Variants in DOCK3 observed in about 807,000 individuals in gnomAD.
The protein encoded by DOCK3 is dedicator of cytokinesis 3.
DOCK3 carries 60 observed loss-of-function variants against 265.6 expected under a neutral mutation model. That is an observed-to-expected ratio of 0.23 (90% CI 0.18 to 0.28). The LOEUF is 0.28. DOCK3 is among the 10% of genes least tolerant of loss of function. The pLI, the probability that DOCK3 is intolerant of heterozygous loss-of-function variation, is 1.00. For synonymous variants in DOCK3, 881 were observed against 938.0 expected, an observed-to-expected ratio of 0.94 and a Z score of 1.11; for missense variants, 1,981 against 2,594.3, an observed-to-expected ratio of 0.76 and a Z score of 5.14.
chr3:50,816,591 G>T lies in DOCK3; in HGVS notation c.122-25084G>T, dbSNP rs796965395. Among the ~76,000 whole-genome samples, 5 of 152,096 alleles carry T rather than the reference G, an allele frequency of 3.3e-5. No homozygotes were observed. The South Asian group carries it at 1.0e-3, about 32-fold the overall frequency. ...CCGCCTTGGCCTCCCAAAGTGCTGG[G>T]ATTACAGGTGTGAGCCACTGTGCCC... On this transcript the variant is annotated intron_variant, in intron 2 of 52. Transcript: ENST00000266037.
At chr3:51,177,388 A>C (rs1205393504) in intron 12 of DOCK3, among the ~76,000 whole-genome samples, 1 of 152,202 alleles carries the variant, frequency 6.6e-6, no homozygotes, top group Non-Finnish European at 1.5e-5. Context: ...GTTAACCAAT[A>C]ATATAGGCAT....
intron 40 of DOCK3, among the ~76,000 whole-genome samples, chr3:51,351,407 T>C (rs911185352): frequency 6.6e-6 from 1 of 152,114 alleles, no homozygotes; most frequent in Admixed American, 6.5e-5. Context: ...GCTTAATAGC[T>C]CCTTTAAAAA....
intron 40 of DOCK3, among the ~76,000 whole-genome samples, chr3:51,351,230 G>A (rs1213076210): frequency 1.3e-5 from 2 of 152,104 alleles, no homozygotes; most frequent in Non-Finnish European, 2.9e-5. Context: ...ATTGCTAATC[G>A]CTGATCACCC....
intron 1 of DOCK3, among the ~76,000 whole-genome samples, chr3:50,746,195 C>T (rs139325096): frequency 3.3e-5 from 5 of 151,410 alleles, no homozygotes; most frequent in South Asian, 2.1e-4. Context: ...CTGCAACCTC[C>T]GCCTCCTGGG....
intron 2 of DOCK3, among the ~76,000 whole-genome samples, chr3:50,795,842 C>T (rs1313536603): frequency 6.6e-6 from 1 of 152,172 alleles, no homozygotes; most frequent in African/African-American, 2.4e-5. Flanking sequence ...TCTTTCAGGT[C>T]AGTTACATTC....
At chr3:51,134,876 T>C (rs1488906057) in intron 9 of DOCK3, among the ~76,000 whole-genome samples, 2 of 152,236 alleles carry the variant, frequency 1.3e-5, no homozygotes, top group Non-Finnish European at 2.9e-5. Context: ...TCTCTACTTT[T>C]TCATCTCAAG....
intron 22 of DOCK3, among the ~76,000 whole-genome samples, chr3:51,255,827 G>T (rs1385008650): frequency 4.6e-5 from 7 of 152,194 alleles, no homozygotes; most frequent in South Asian, 2.1e-4. Flanking sequence ...TTAGCTCGGA[G>T]AAGTTTGTTA....
chr3:50,882,306 A>G (rs2048085166), intron 3 of DOCK3, among the ~76,000 whole-genome samples: 1 of 152,224 alleles, frequency 6.6e-6, no homozygotes, highest in Non-Finnish European at 1.5e-5. Flanking sequence ...CAGCAAAAGA[A>G]ACTACCATCA....
chr3:50,918,521 C>G (rs896849503), intron 4 of DOCK3, among the ~76,000 whole-genome samples: 1 of 152,116 alleles, frequency 6.6e-6, no homozygotes, highest in Non-Finnish European at 1.5e-5. Context: ...TGATAATGAG[C>G]CTTTTTTCAT....
At chr3:50,947,916 C>T (rs191561889) in intron 5 of DOCK3, among the ~76,000 whole-genome samples, 125 of 146,744 alleles carry the variant, frequency 8.5e-4, no homozygotes, top group Admixed American at 2.5e-3. Context: ...AGTGCTGTGG[C>T]GCTATCTAGG....
intron 27 of DOCK3, among the ~76,000 whole-genome samples, chr3:51,308,537 A>G (rs1157184402): frequency 1.3e-5 from 2 of 151,770 alleles, no homozygotes; most frequent in Non-Finnish European, 2.9e-5. Context: ...GGTTGGGGGT[A>G]AGGTCATAGA....
chr3:51,283,349 C>G (rs986742551), intron 27 of DOCK3, among the ~76,000 whole-genome samples: 1 of 152,178 alleles, frequency 6.6e-6, no homozygotes, highest in African/African-American at 2.4e-5. Context: ...CACCCTAATT[C>G]TAAGATTTGC....
chr3:51,282,324 A>G (rs536714649), intron 27 of DOCK3, among the ~76,000 whole-genome samples: 1 of 106,592 alleles, frequency 9.4e-6, no homozygotes, highest in African/African-American at 3.4e-5. Context: ...AAGACTCATC[A>G]CAAATAGTGA....
chr3:50,809,105 A>G (rs371259691), intron 2 of DOCK3, among the ~76,000 whole-genome samples: 2 of 152,382 alleles, frequency 1.3e-5, no homozygotes, highest in Middle Eastern at 3.4e-3. Flanking sequence ...TTGGTAAGTT[A>G]TACTTTATTA....
chr3:50,853,647 C>T (rs1206397054), intron 3 of DOCK3, among the ~76,000 whole-genome samples: 3 of 152,030 alleles, frequency 2.0e-5, no homozygotes, highest in Admixed American at 2.0e-4. Flanking sequence ...TGATTTCATT[C>T]TGTTTTATGC....
intron 12 of DOCK3, among the ~76,000 whole-genome samples, chr3:51,207,816 T>A (rs980428396): frequency 2.0e-5 from 3 of 152,130 alleles, no homozygotes; most frequent in African/African-American, 7.2e-5. Flanking sequence ...ATGGGTCCTA[T>A]TTTCTGGGAT....
At chr3:50,896,010 A>G (rs1430969415) in intron 4 of DOCK3, among the ~76,000 whole-genome samples, 1 of 152,136 alleles carries the variant, frequency 6.6e-6, no homozygotes, top group African/African-American at 2.4e-5. Flanking sequence ...TAGTAGAATG[A>G]TTTATAATCC....
Position 51,280,106 on chromosome 3 carries a change from G to C in DOCK3, c.2824G>C (p.Gly942Arg). 6.2e-7 allele frequency: 1 copy of C among 1,613,446 alleles called. No homozygotes were observed. Among genetic ancestry groups the C allele is most frequent in the Non-Finnish European group, 8.5e-7 (1 of 1,179,680 alleles). The change falls in exon 27 of 53, where the codon GGC becomes CGC. Residue 942 changes from glycine to arginine, a missense_variant and splice_region_variant. Physicochemically the swap from Gly to Arg is moderately radical, Grantham distance 125. This residue lies in a region of DOCK3 where 1,357 missense variants were observed against 1,866.8 expected (regional missense o/e 0.73). Coordinates refer to ENST00000266037, the MANE Select transcript of DOCK3 (RefSeq NM_004947.5). ...AGTGTTTTTTTGGGTTGGTCCCTAG[G>C]GCGAGTATGTGTCCTGCCTTCTCTC... ...RCPQCTAEIT[G>R]EYVSCLLSLL...
At chr3:50,679,792 T>G (rs983379999) in intron 1 of DOCK3, among the ~76,000 whole-genome samples, 1 of 152,196 alleles carries the variant, frequency 6.6e-6, no homozygotes, top group African/African-American at 2.4e-5. Context: ...CATCATCCAC[T>G]AGGGGTAGGA....
Sources: gnomAD v4.1 joint callset for allele counts (sites outside exome capture counted in the v4.1 genomes callset) on GRCh38, gnomAD v4.1.1 for gene constraint, gnomAD v4.1.1 regional missense constraint, MANE v1.5 for transcripts, NCBI Gene and HGNC (gene_info 2026-07-23, HGNC 2026-07-21) for gene names.